Variants in CDH13 observed in about 807,000 individuals in gnomAD.
CDH13 encodes the protein cadherin-13.
A neutral mutation model predicts 63.8 loss-of-function variants in CDH13; 24 were observed. The ratio of observed to expected loss-of-function variants is 0.38; its 90% confidence interval spans 0.27 to 0.53. The LOEUF is 0.53. Ranked by LOEUF, CDH13 falls within the 20% of genes least tolerant of loss-of-function variation. The pLI, the probability that CDH13 is intolerant of heterozygous loss-of-function variation, is 0.85. For missense variants in CDH13, 1,049 were observed against 903.1 expected (o/e 1.16, Z -2.07); for synonymous variants, 503 against 355.3 (o/e 1.42, Z -4.67).
chr16:82,998,912 A>G (rs1239126886), intron 2 of CDH13, among the ~76,000 whole-genome samples: 1 of 129,858 alleles, frequency 7.7e-6, no homozygotes, highest in Non-Finnish European at 1.6e-5. Context: ...TTTAACTTTC[A>G]CCAACACTTT....
intron 5 of CDH13, among the ~76,000 whole-genome samples, chr16:83,313,679 G>A (rs1194421003): frequency 6.7e-6 from 1 of 149,822 alleles, no homozygotes; most frequent in Non-Finnish European, 1.5e-5. Flanking sequence ...GAGGTCCTTG[G>A]TATTACCAAT....
Position 83,083,849 on chromosome 16 carries a change from C to G in CDH13, c.367-41536C>G, listed in dbSNP as rs144471642. On this transcript the variant is annotated intron_variant, in intron 3 of 13. Coordinates refer to ENST00000567109, the MANE Select transcript of CDH13 (RefSeq NM_001257.5). ...TGAAGGGCATCCAGCTATTATCCCACCCATTTGCCTATCCCAAGTTATGTT... is the reference window on the plus strand; with the variant it reads ...TGAAGGGCATCCAGCTATTATCCCAGCCATTTGCCTATCCCAAGTTATGTT... Among the ~76,000 whole-genome samples the G allele has an allele frequency of 4.1e-4, 63 of 152,292 alleles. No homozygotes were observed. In the East Asian group the frequency reaches 0.012, roughly 29 times the overall value.
At position 83,670,909 on chromosome 16, in the gene CDH13, C is replaced by T. The variant is rs150404888; in HGVS notation, c.1221C>T (p.Pro407=). 404 of 1,612,860 alleles carry T rather than the reference C, an allele frequency of 2.5e-4. 5 individuals carry two copies. The African/African-American group carries it at 3.4e-3, about 14-fold the overall frequency. The change falls in exon 9 of 14, where the codon CCC becomes CCT. Residue 407 remains proline (P), a synonymous_variant. Coordinates refer to ENST00000567109, the MANE Select transcript of CDH13 (RefSeq NM_001257.5). ...RAAYTIINGN[P]GQSFEIHTNP... ...CCTACACCATCATCAACGGAAACCC[C>T]GGGCAGAGCTTTGAAATCCACACCA...
chr16:83,446,018 G>A (rs754908641), intron 6 of CDH13, among the ~76,000 whole-genome samples: 4 of 152,266 alleles, frequency 2.6e-5, no homozygotes, highest in Non-Finnish European at 4.4e-5. Context: ...CATGAGGAAG[G>A]TCAGGTGCTG....
chr16:83,102,194 A>G (rs1448512230), intron 3 of CDH13, among the ~76,000 whole-genome samples: 3 of 152,224 alleles, frequency 2.0e-5, no homozygotes, highest in Non-Finnish European at 4.4e-5. Flanking sequence ...ATCTTCCAGA[A>G]GGAACACAGT....
intron 6 of CDH13, among the ~76,000 whole-genome samples, chr16:83,346,711 A>G (rs2090847903): frequency 6.6e-6 from 1 of 152,182 alleles, no homozygotes; most frequent in Non-Finnish European, 1.5e-5. Flanking sequence ...ATGTATATAC[A>G]TGTAATATTT....
At chr16:83,143,771 G>A (rs1348454127) in intron 4 of CDH13, among the ~76,000 whole-genome samples, 3 of 151,888 alleles carry the variant, frequency 2.0e-5, no homozygotes, top group African/African-American at 4.8e-5. Context: ...AACTTCCCTC[G>A]TCTCCTCCTT....
At chr16:82,635,872 A>C (rs1278306702) in intron 1 of CDH13, among the ~76,000 whole-genome samples, 2 of 152,092 alleles carry the variant, frequency 1.3e-5, no homozygotes, top group Non-Finnish European at 2.9e-5. Flanking sequence ...TGGTTATGTG[A>C]AAGTGTATAG....
At chr16:83,298,987 T>C (rs1373038883) in intron 5 of CDH13, among the ~76,000 whole-genome samples, 1 of 152,220 alleles carries the variant, frequency 6.6e-6, no homozygotes, top group Non-Finnish European at 1.5e-5. Flanking sequence ...TTAAAAATTA[T>C]AAAATACTAT....
At chr16:83,234,812 A>T (rs538354166) in intron 5 of CDH13, among the ~76,000 whole-genome samples, 1 of 152,212 alleles carries the variant, frequency 6.6e-6, no homozygotes, top group Non-Finnish European at 1.5e-5. Flanking sequence ...TGTCTGGAAA[A>T]AGGTTACATG....
chr16:82,690,696 G>A (rs1363317971), intron 1 of CDH13, among the ~76,000 whole-genome samples: 2 of 152,206 alleles, frequency 1.3e-5, no homozygotes, highest in African/African-American at 4.8e-5. Flanking sequence ...AAGCCACTAT[G>A]CCCACCGTTG....
At chr16:83,342,569 T>A (rs77634043) in intron 5 of CDH13, among the ~76,000 whole-genome samples, 3,952 of 152,290 alleles carry the variant, frequency 0.026, 176 homozygotes, top group African/African-American at 0.09. Flanking sequence ...GATTGTCTGT[T>A]TGCATAATTG....
At chr16:83,041,808 A>T (rs1014780581) in intron 3 of CDH13, among the ~76,000 whole-genome samples, 1 of 152,356 alleles carries the variant, frequency 6.6e-6, no homozygotes, top group Non-Finnish European at 1.5e-5. Context: ...TACAATGGAC[A>T]TAATACTCTG....
At chr16:83,337,267 C>G (rs2151908444) in intron 5 of CDH13, among the ~76,000 whole-genome samples, 1 of 152,260 alleles carries the variant, frequency 6.6e-6, no homozygotes, top group East Asian at 1.9e-4. Flanking sequence ...GTAGAGGAAC[C>G]CAGGTGCTGG....
chr16:82,775,778 C>G (rs959182146), intron 1 of CDH13, among the ~76,000 whole-genome samples: 5 of 152,168 alleles, frequency 3.3e-5, no homozygotes, highest in African/African-American at 1.2e-4. Context: ...AGTGTACACC[C>G]TTGCAAAAAT....
intron 1 of CDH13, among the ~76,000 whole-genome samples, chr16:82,801,473 C>A (rs989636595): frequency 6.6e-6 from 1 of 152,220 alleles, no homozygotes; most frequent in African/African-American, 2.4e-5. Context: ...GCCCTCCCCA[C>A]CCACACACTT....
chr16:82,879,345 T>C (rs1039543807), intron 2 of CDH13, among the ~76,000 whole-genome samples: 46 of 151,616 alleles, frequency 3.0e-4, no homozygotes, highest in African/African-American at 1.1e-3. Context: ...CAAATGGTGG[T>C]TATTTCTATC....
chr16:82,672,042 C>A lies in CDH13; in HGVS notation c.45+44905C>A, dbSNP rs115002263. On this transcript the variant is annotated intron_variant, in intron 1 of 13. Coordinates refer to ENST00000567109, the MANE Select transcript of CDH13 (RefSeq NM_001257.5). ...AGAATGCCCCTAGGGGCATTAGCTT[C>A]TCTTCTACACTCTCTCTCTTGCTTT... is the stretch of plus-strand genomic sequence containing the variant. Among the ~76,000 whole-genome samples, 940 of 152,212 alleles carry A rather than the reference C, an allele frequency of 6.2e-3. 17 individuals are homozygous for A. The highest frequency in any genetic ancestry group is 0.021 in the African/African-American group (890 of 41,518).
intron 1 of CDH13, among the ~76,000 whole-genome samples, chr16:82,676,328 C>T (rs1469924785): frequency 6.6e-6 from 1 of 152,034 alleles, no homozygotes; most frequent in Non-Finnish European, 1.5e-5. Context: ...TTCTAGTGTT[C>T]CCTACCTCAT....
Sources: allele counts gnomAD v4.1 joint callset (sites outside exome capture counted in the v4.1 genomes callset), GRCh38; gene constraint gnomAD v4.1.1; transcripts MANE v1.5; gene names NCBI Gene and HGNC (gene_info 2026-07-23, HGNC 2026-07-21).